ATRNL1: variants seen among roughly 807,000 people sequenced by gnomAD.
ATRNL1 encodes the protein attractin-like protein 1.
A neutral mutation model predicts 182.7 loss-of-function variants in ATRNL1; 95 were observed. The observed-to-expected ratio is 0.52, with a 90% CI of 0.44 to 0.62. The LOEUF (loss-of-function observed/expected upper bound fraction) is 0.62. Ranked by LOEUF, ATRNL1 falls within the 20% of genes least tolerant of loss-of-function variation. ATRNL1 has a pLI of 0.00. For synonymous variants in ATRNL1, 576 were observed against 568.3 expected (o/e 1.01, Z -0.19); for missense variants, 1,471 against 1,679.5 (o/e 0.88, Z 2.17).
intron 11 of ATRNL1, among the ~76,000 whole-genome samples, chr10:115,266,193 G>A (rs945538864): frequency 5.3e-5 from 8 of 151,322 alleles, no homozygotes; most frequent in Non-Finnish European, 1.2e-4. Context: ...AAGGGCATTG[G>A]CACTGCTTGG....
chr10:115,937,173 T>G (rs1169957708), intron 28 of ATRNL1, among the ~76,000 whole-genome samples: 2 of 152,162 alleles, frequency 1.3e-5, no homozygotes, highest in African/African-American at 2.4e-5. Flanking sequence ...AAGTGTTGCG[T>G]GAGGTGTCTG....
intron 15 of ATRNL1, among the ~76,000 whole-genome samples, chr10:115,299,189 A>G (rs1371822899): frequency 6.6e-6 from 1 of 151,814 alleles, no homozygotes; most frequent in Non-Finnish European, 1.5e-5. Context: ...ATATATTAAA[A>G]TAGAGATGTT....
At chr10:115,544,057 A>G (rs952698526) in intron 25 of ATRNL1, among the ~76,000 whole-genome samples, 3 of 152,152 alleles carry the variant, frequency 2.0e-5, no homozygotes, top group Non-Finnish European at 4.4e-5. Flanking sequence ...ATCATGGAGC[A>G]TAAAAGCTTT....
chr10:115,320,975 T>TTTG (rs1242371453), intron 18 of ATRNL1, among the ~76,000 whole-genome samples: 1 of 152,128 alleles, frequency 6.6e-6, no homozygotes, highest in Non-Finnish European at 1.5e-5. Context: ...TTTTGGCATT[T>TTTG]TTGTTGTTGT....
At chr10:115,891,921 A>G (rs1450803901) in intron 28 of ATRNL1, among the ~76,000 whole-genome samples, 1 of 152,140 alleles carries the variant, frequency 6.6e-6, no homozygotes, top group Non-Finnish European at 1.5e-5. Flanking sequence ...CAGTTCATCA[A>G]TTCATTACAA....
At chr10:115,149,487 C>T (rs1282017090) in intron 5 of ATRNL1, among the ~76,000 whole-genome samples, 1 of 151,860 alleles carries the variant, frequency 6.6e-6, no homozygotes, top group Non-Finnish European at 1.5e-5. Context: ...TCGTATATGT[C>T]CTTTTTTATA....
At chr10:115,204,893 A>G (rs1428756969) in intron 8 of ATRNL1, among the ~76,000 whole-genome samples, 1 of 152,060 alleles carries the variant, frequency 6.6e-6, no homozygotes, top group Non-Finnish European at 1.5e-5. Flanking sequence ...AGCGAAGCTC[A>G]TTTGTTCCTG....
At chr10:115,287,166 G>T (rs1324412631) in intron 15 of ATRNL1, among the ~76,000 whole-genome samples, 1 of 151,950 alleles carries the variant, frequency 6.6e-6, no homozygotes, top group African/African-American at 2.4e-5. Context: ...ATGGTGGACA[G>T]CATAAAATCT....
chr10:115,937,319 G>A (rs551486365), intron 28 of ATRNL1, among the ~76,000 whole-genome samples: 6 of 152,286 alleles, frequency 3.9e-5, no homozygotes, highest in African/African-American at 1.4e-4. Flanking sequence ...CTGAAACATT[G>A]GCATCTGTAG....
intron 26 of ATRNL1, among the ~76,000 whole-genome samples, chr10:115,556,930 C>A (rs1853349315): frequency 6.6e-6 from 1 of 151,226 alleles, no homozygotes; most frequent in Admixed American, 6.6e-5. Context: ...ACTGTTCCAT[C>A]CCCATCAGAT....
intron 26 of ATRNL1, among the ~76,000 whole-genome samples, chr10:115,561,698 TGTGTGG>T (rs782606911): frequency 4.6e-5 from 5 of 107,696 alleles, no homozygotes; most frequent in South Asian, 3.8e-4. Context: ...TGGGTGTGTG[TGTGTGG>T]GTGTGTGTGT....
In ATRNL1 at chr10:115,654,487, G is replaced by A. The variant is rs543552646; in HGVS notation, c.3796-72761G>A. Reference sequence around the variant, plus strand: ...GCCCGCCTCAGCCTCCCAAAGTGCAGGGATTACAGGCATGAGCAACTATCA... The same window carrying A: ...GCCCGCCTCAGCCTCCCAAAGTGCAAGGATTACAGGCATGAGCAACTATCA... On this transcript the variant is annotated intron_variant, in intron 26 of 28. Transcript: ENST00000355044. Among the ~76,000 whole-genome samples the A allele has an allele frequency of 3.9e-5, 6 of 152,242 alleles. No homozygotes were observed. In the South Asian group the frequency reaches 1.2e-3, roughly 32 times the overall value.
chr10:115,654,461 C>T (rs1419265247), intron 26 of ATRNL1, among the ~76,000 whole-genome samples: 3 of 151,984 alleles, frequency 2.0e-5, no homozygotes, highest in Admixed American at 1.3e-4. Flanking sequence ...TCAGGTGATC[C>T]GCCCGCCTCA....
At chr10:115,686,311 G>A (rs1452586659) in intron 26 of ATRNL1, among the ~76,000 whole-genome samples, 1 of 151,938 alleles carries the variant, frequency 6.6e-6, no homozygotes, top group Admixed American at 6.6e-5. Flanking sequence ...GTTCCTTACA[G>A]CAAAAGACTC....
At chr10:115,240,503 C>G (rs1231141054) in intron 9 of ATRNL1, among the ~76,000 whole-genome samples, 1 of 152,042 alleles carries the variant, frequency 6.6e-6, no homozygotes, top group Non-Finnish European at 1.5e-5. Context: ...ATCCACCCGC[C>G]TTGGCCTCTC....
intron 9 of ATRNL1, among the ~76,000 whole-genome samples, chr10:115,239,075 C>A (rs1850302349): frequency 1.3e-5 from 2 of 151,468 alleles, no homozygotes; most frequent in Non-Finnish European, 2.9e-5. Context: ...GAATAAGTTC[C>A]ACCTTCTTCT....
intron 8 of ATRNL1, among the ~76,000 whole-genome samples, chr10:115,185,667 A>G (rs994408737): frequency 6.6e-6 from 1 of 152,002 alleles, no homozygotes; most frequent in Non-Finnish European, 1.5e-5. Context: ...AGAATCATCA[A>G]TGGATGTTAA....
chr10:115,431,021 TAGA>T (rs1428953717), intron 21 of ATRNL1, among the ~76,000 whole-genome samples: 4 of 152,196 alleles, frequency 2.6e-5, no homozygotes, highest in Admixed American at 2.6e-4. Context: ...TTTCTTTGTC[TAGA>T]AGAGTCATAT....
chr10:115,261,709 CAG>C (rs1245809807), intron 10 of ATRNL1, among the ~76,000 whole-genome samples: 1 of 152,002 alleles, frequency 6.6e-6, no homozygotes, highest in Non-Finnish European at 1.5e-5. Flanking sequence ...AATAATATCA[CAG>C]ATATATACTA....
Sources: gnomAD v4.1 joint callset for allele counts (sites outside exome capture counted in the v4.1 genomes callset) on GRCh38, gnomAD v4.1.1 for gene constraint, MANE v1.5 for transcripts, NCBI Gene and HGNC (gene_info 2026-07-23, HGNC 2026-07-21) for gene names.